The following SNX29 variants were observed in gnomAD, a reference collection of about 807,000 sequenced individuals.
The protein encoded by SNX29 is sorting nexin-29.
A neutral mutation model predicts 102.1 loss-of-function variants in SNX29; 78 were observed. The ratio of observed to expected loss-of-function variants is 0.76; its 90% CI spans 0.64 to 0.92. SNX29 has a LOEUF of 0.92. SNX29 is among the 40% of genes least tolerant of loss of function. SNX29 has a pLI of 0.00. For missense variants in SNX29, 1,280 were observed against 1,061.7 expected (o/e 1.21, Z -2.86); for synonymous variants, 580 against 414.5 (o/e 1.40, Z -4.85).
intron 13 of SNX29, among the ~76,000 whole-genome samples, chr16:12,140,635 G>A (rs554548002): frequency 2.6e-5 from 4 of 152,130 alleles, no homozygotes; most frequent in Admixed American, 6.5e-5. Flanking sequence ...TGACACTACC[G>A]TGCTGTCACT....
intron 20 of SNX29, among the ~76,000 whole-genome samples, chr16:12,545,052 C>G (rs1049025914): frequency 1.3e-5 from 2 of 152,082 alleles, no homozygotes; most frequent in African/African-American, 4.8e-5. Context: ...ATGCCCTGCT[C>G]CTGTAGCATA....
At chr16:12,406,972 A>G (rs952114316) in intron 18 of SNX29, among the ~76,000 whole-genome samples, 2 of 152,238 alleles carry the variant, frequency 1.3e-5, no homozygotes, top group Non-Finnish European at 2.9e-5. Context: ...CATGCTGAGC[A>G]GCCAGACGTG....
chr16:12,547,657 A>C (rs945997033), intron 20 of SNX29, among the ~76,000 whole-genome samples: 1 of 152,048 alleles, frequency 6.6e-6, no homozygotes, highest in Non-Finnish European at 1.5e-5. Flanking sequence ...TTCCCACCCC[A>C]AGCACCATCT....
In SNX29 at chr16:12,048,567, A is replaced by C. The variant is rs1418248066; in HGVS notation, c.695A>C (p.Lys232Thr). 1 of 1,613,680 alleles carries C rather than the reference A, an allele frequency of 6.2e-7. No individual in the cohort carries two copies. Among genetic ancestry groups the C allele is most frequent in the African/African-American group, 1.3e-5 (1 of 74,858 alleles). Residue 232 changes from lysine to threonine, a missense_variant, in exon 7 of 21, where the codon AAA becomes ACA. Coordinates refer to ENST00000566228, the MANE Select transcript of SNX29 (RefSeq NM_032167.5). The stretch of plus-strand genomic sequence containing the variant: ...TCCTCTGCCGTCTCCATCCTCATCA[A>C]ACCTGAACAGGAGACCGACCCCTTG... ...TASSAVSILI[K>T]PEQETDPLPV...
chr16:12,421,365 C>A (rs1324764538), intron 18 of SNX29, among the ~76,000 whole-genome samples: 1 of 152,208 alleles, frequency 6.6e-6, no homozygotes, highest in Non-Finnish European at 1.5e-5. Context: ...AAACCAAGGT[C>A]TCAAAGGAGG....
At chr16:12,272,098 A>T (rs1258939107) in intron 14 of SNX29, among the ~76,000 whole-genome samples, 2 of 152,178 alleles carry the variant, frequency 1.3e-5, no homozygotes, top group Non-Finnish European at 2.9e-5. Flanking sequence ...TGCTGAGAGA[A>T]CTTATGTAAA....
At chr16:12,078,203 G>T (rs948080212) in intron 10 of SNX29, among the ~76,000 whole-genome samples, 1 of 103,304 alleles carries the variant, frequency 9.7e-6, no homozygotes, top group Non-Finnish European at 2.1e-5. Context: ...GGCCGGGTGT[G>T]GTGGGTCATG....
intron 20 of SNX29, among the ~76,000 whole-genome samples, chr16:12,536,234 TTTTC>T (rs1273035497): frequency 2.0e-5 from 3 of 152,216 alleles, no homozygotes; most frequent in South Asian, 4.1e-4. Context: ...TTTCATGTTT[TTTTC>T]TTTTTTATGC....
At chr16:12,106,109 G>A (rs1452905499) in intron 11 of SNX29, among the ~76,000 whole-genome samples, 1 of 152,144 alleles carries the variant, frequency 6.6e-6, no homozygotes, top group African/African-American at 2.4e-5. Flanking sequence ...TTAATGATAC[G>A]AAATGCTCTC....
At chr16:12,085,589 AGTG>A (rs2052132699) in intron 11 of SNX29, among the ~76,000 whole-genome samples, 1 of 152,160 alleles carries the variant, frequency 6.6e-6, no homozygotes, top group South Asian at 2.1e-4. Flanking sequence ...GGCCTCCCAA[AGTG>A]GTGGGATTAT....
intron 20 of SNX29, among the ~76,000 whole-genome samples, chr16:12,529,402 A>T (rs1209859189): frequency 6.6e-6 from 1 of 152,208 alleles, no homozygotes; most frequent in African/African-American, 2.4e-5. Flanking sequence ...GATGTGAGGT[A>T]CCGTTCGTGG....
rs1381641687 is a variant in SNX29 at position 12,139,981 on chromosome 16, A to G, written c.1595+10223A>G. 6.3e-4 allele frequency among the ~76,000 whole-genome samples: 59 copies of G among 93,720 alleles called. 2 individuals are homozygous for G. Among genetic ancestry groups the G allele is most frequent in the East Asian group, 1.5e-3 (5 of 3,446 alleles). The allele number at this position is 93,720 out of a possible 152,430, so 61.5% of individuals were successfully genotyped here. A position where few individuals can be genotyped will look rare whatever the true frequency, so the allele number is the denominator to read the frequency against. On this transcript the variant is annotated intron_variant, in intron 13 of 20. Transcript: ENST00000566228. Reference sequence around the variant, plus strand: ...GGGAGACAGAGAGATACCCTGTCTCAAAAAAAAAAAAAAAAAAAAAAAAGG... The same window carrying G: ...GGGAGACAGAGAGATACCCTGTCTCGAAAAAAAAAAAAAAAAAAAAAAAGG...
At chr16:12,533,486 C>A (rs1298749068) in intron 20 of SNX29, among the ~76,000 whole-genome samples, 1 of 152,216 alleles carries the variant, frequency 6.6e-6, no homozygotes, top group Non-Finnish European at 1.5e-5. Context: ...AGTGGGGTTC[C>A]TGGACAGACT....
intron 15 of SNX29, among the ~76,000 whole-genome samples, chr16:12,348,885 G>T (rs930175922): frequency 6.6e-6 from 1 of 151,780 alleles, no homozygotes; most frequent in Non-Finnish European, 1.5e-5. Context: ...ACTGCTCGGA[G>T]AGGAAGTGGA....
rs149559158 is a variant in SNX29, at chr16:12,235,731, T to C, written c.1678+36048T>C. Among the ~76,000 whole-genome samples the C allele has an allele frequency of 5.7e-3, 861 of 152,226 alleles. 5 individuals carry two copies. Among genetic ancestry groups the C allele is most frequent in the Non-Finnish European group, 7.3e-3 (499 of 68,024 alleles). On this transcript the variant is annotated intron_variant, in intron 14 of 20. Coordinates refer to ENST00000566228, the MANE Select transcript of SNX29 (RefSeq NM_032167.5). ...TTATTGAAAGGAAACTTCATCAGTG[T>C]TTTGAACAGAAAACTTAAACACAAT...
At position 12,463,572 on chromosome 16, in the gene SNX29, T is replaced by C. The variant is rs1463694636; in HGVS notation, c.2038-14147T>C. On this transcript the variant is annotated intron_variant, in intron 18 of 20. Coordinates refer to ENST00000566228, the MANE Select transcript of SNX29 (RefSeq NM_032167.5). ...AAGACCTGCCCCTGTGATTCAATTA[T>C]CTCCCACCGGGCCCCTCCCACAACA... 3.9e-5 allele frequency among the ~76,000 whole-genome samples: 6 copies of C among 152,164 alleles called. No homozygotes were observed. The South Asian group carries it at 8.3e-4, about 21-fold the overall frequency.
At chr16:12,105,227 C>CCCTTCCTTCCTTCCTT (rs35638104) in intron 11 of SNX29, among the ~76,000 whole-genome samples, 53 of 105,738 alleles carry the variant, frequency 5.0e-4, no homozygotes, top group African/African-American at 1.7e-3. Flanking sequence ...CTCCCTCCCT[C>CCCTTCCTTCCTTCCTT]CCTTCCTTCC....
At chr16:12,121,414 T>A (rs1329023478) in intron 11 of SNX29, among the ~76,000 whole-genome samples, 2 of 152,234 alleles carry the variant, frequency 1.3e-5, no homozygotes, top group Non-Finnish European at 2.9e-5. Flanking sequence ...GCATGACTGC[T>A]TTATTCCCTG....
chr16:12,180,833 G>A (rs1479073434), intron 13 of SNX29, among the ~76,000 whole-genome samples: 1 of 152,152 alleles, frequency 6.6e-6, no homozygotes, highest in African/African-American at 2.4e-5. Flanking sequence ...TAGGAGAGAG[G>A]CGTGGTAGAG....
Sources: allele counts gnomAD v4.1 joint callset (sites outside exome capture counted in the v4.1 genomes callset), GRCh38; gene constraint gnomAD v4.1.1; transcripts MANE v1.5; gene names NCBI Gene and HGNC (gene_info 2026-07-23, HGNC 2026-07-21).